The following NBEA variants were observed in gnomAD, a reference collection of about 807,000 sequenced individuals.
NBEA encodes the protein neurobeachin.
A neutral mutation model predicts 343.4 loss-of-function variants in NBEA; 44 were observed. The observed-to-expected ratio is 0.13, with a 90% CI of 0.10 to 0.16. The LOEUF is 0.16. Among genes scored for constraint, NBEA ranks in the 10% least tolerant of loss-of-function variants. The pLI is 1.00. For missense variants in NBEA, 2,555 were observed against 3,631.3 expected, an observed-to-expected ratio of 0.70 and a Z score of 7.62; for synonymous variants, 1,175 against 1,238.7, an observed-to-expected ratio of 0.95 and a Z score of 1.08.
intron 41 of NBEA, among the ~76,000 whole-genome samples, chr13:35,482,187 G>A (rs1462166601): frequency 6.6e-6 from 1 of 150,692 alleles, no homozygotes; most frequent in African/African-American, 2.4e-5. Context: ...ATTAGTAACT[G>A]GAGTAATAAT....
chr13:35,455,618 A>C (rs1034818881), intron 40 of NBEA, among the ~76,000 whole-genome samples: 12 of 152,140 alleles, frequency 7.9e-5, no homozygotes, highest in Non-Finnish European at 1.2e-4. Flanking sequence ...TATTTTCCTT[A>C]TAGCTGAAAA....
chr13:35,071,886 A>G (rs905414107), intron 10 of NBEA, among the ~76,000 whole-genome samples: 5 of 152,058 alleles, frequency 3.3e-5, no homozygotes, highest in African/African-American at 1.2e-4. Flanking sequence ...TGAGATTTGT[A>G]CATTTATAAC....
intron 48 of NBEA, among the ~76,000 whole-genome samples, chr13:35,610,928 A>T (rs1304995140): frequency 6.6e-6 from 1 of 152,108 alleles, no homozygotes; most frequent in Non-Finnish European, 1.5e-5. Flanking sequence ...TAGATGGCAA[A>T]TAAACACATG....
At chr13:35,276,232 A>G (rs973587984) in intron 34 of NBEA, among the ~76,000 whole-genome samples, 1 of 152,010 alleles carries the variant, frequency 6.6e-6, no homozygotes, top group Non-Finnish European at 1.5e-5. Flanking sequence ...AAAGGGAATT[A>G]TTTTCCCTTT....
chr13:35,142,324 C>T lies in NBEA; in HGVS notation c.2392C>T (p.Leu798=). The change falls in exon 18 of 59, where the codon CTG becomes TTG. Residue 798 remains leucine (L), a synonymous_variant. Coordinates refer to ENST00000379939, the MANE Select transcript of NBEA (RefSeq NM_001385012.1). ...HSLFTLLGER[L]MLHTNTVTVT... The stretch of plus-strand genomic sequence containing the variant: ...TCTTTTCACTCTTCTTGGAGAAAGG[C>T]TGATGTTGCATACAAACACTGTGAC... The T allele has an allele frequency of 6.2e-7, 1 of 1,613,248 alleles. No homozygotes were observed. Among genetic ancestry groups the T allele is most frequent in the South Asian group, 1.1e-5 (1 of 91,052 alleles).
At chr13:35,563,862 C>A (rs2080004745) in intron 44 of NBEA, among the ~76,000 whole-genome samples, 1 of 119,094 alleles carries the variant, frequency 8.4e-6, no homozygotes. Context: ...GTATTTTTTT[C>A]CTAAAATAGC....
intron 38 of NBEA, among the ~76,000 whole-genome samples, chr13:35,367,367 A>G (rs998951962): frequency 6.6e-6 from 1 of 151,390 alleles, no homozygotes; most frequent in South Asian, 2.1e-4. Flanking sequence ...GATAAGGTGG[A>G]TATGTGTCAG....
chr13:35,083,972 A>G (rs2064577823), intron 10 of NBEA, among the ~76,000 whole-genome samples: 1 of 152,150 alleles, frequency 6.6e-6, no homozygotes, highest in African/African-American at 2.4e-5. Context: ...ATCAAAAGAG[A>G]CAAAGAAGGC....
chr13:35,570,850 A>G (rs567168033), intron 45 of NBEA, among the ~76,000 whole-genome samples: 1 of 152,328 alleles, frequency 6.6e-6, no homozygotes, highest in East Asian at 1.9e-4. Flanking sequence ...AAGTATAATA[A>G]TATAATTGGA....
Position 35,354,047 on chromosome 13 carries a change from T to G in NBEA, c.6179+1724T>G, listed in dbSNP as rs75016823. 5.3e-5 allele frequency among the ~76,000 whole-genome samples: 8 copies of G among 152,260 alleles called. No individual in the cohort carries two copies. In the East Asian group the frequency reaches 1.5e-3, roughly 29 times the overall value. The stretch of plus-strand genomic sequence containing the variant: ...GCCTTCGGTTGATTGGATGAGCCTT[T>G]CCCACATTCTTGAGGGTAATATCCT... On this transcript the variant is annotated intron_variant, in intron 38 of 58. Transcript: ENST00000379939.
chr13:34,984,556 A>G (rs1219394069), intron 1 of NBEA, among the ~76,000 whole-genome samples: 1 of 139,486 alleles, frequency 7.2e-6, no homozygotes, highest in Non-Finnish European at 1.7e-5. Context: ...TGAACTTTAA[A>G]GTAGTTTTTT....
intron 36 of NBEA, among the ~76,000 whole-genome samples, chr13:35,314,997 G>T (rs1289404255): frequency 6.6e-6 from 1 of 152,152 alleles, no homozygotes; most frequent in Non-Finnish European, 1.5e-5. Context: ...TCTTCCTACT[G>T]TATGTTGATG....
In NBEA at chr13:35,011,472, G is replaced by A. The variant is rs190878941; in HGVS notation, c.295-29461G>A. Among the ~76,000 whole-genome samples, 235 of 152,166 alleles carry A rather than the reference G, an allele frequency of 1.5e-3. 1 individual carries two copies. The highest frequency in any genetic ancestry group is 5.2e-3 in the African/African-American group (214 of 41,516). Reference sequence around the variant, plus strand: ...TCTTGCTATTACTTGCTGTGACTTCGTTGTCAAACAGTAAAAACAAGTGTT... The same window carrying A: ...TCTTGCTATTACTTGCTGTGACTTCATTGTCAAACAGTAAAAACAAGTGTT... On this transcript the variant is annotated intron_variant, in intron 1 of 58. Transcript: ENST00000379939.
chr13:35,465,104 A>C lies in NBEA; in HGVS notation c.6449-7296A>C, dbSNP rs531905407. Among the ~76,000 whole-genome samples, 3 of 152,226 alleles carry C rather than the reference A, an allele frequency of 2.0e-5. No homozygotes were observed. In the South Asian group the frequency reaches 6.2e-4, roughly 32 times the overall value. On this transcript the variant is annotated intron_variant, in intron 40 of 58. Coordinates refer to ENST00000379939, the MANE Select transcript of NBEA (RefSeq NM_001385012.1). ...TCTCATTGGTTTTCAGTATATTTTT[A>C]AATTTATATTTTCTCTAAAATACAG...
At chr13:34,958,348 G>T (rs2059562272) in intron 1 of NBEA, among the ~76,000 whole-genome samples, 1 of 151,956 alleles carries the variant, frequency 6.6e-6, no homozygotes, top group African/African-American at 2.4e-5. Context: ...GAGCAAAAAC[G>T]ATTCATTTTT....
chr13:35,460,419 C>T (rs1168758565), intron 40 of NBEA, among the ~76,000 whole-genome samples: 1 of 152,152 alleles, frequency 6.6e-6, no homozygotes, highest in African/African-American at 2.4e-5. Flanking sequence ...CTCTTAGAGA[C>T]AACATTAATA....
chr13:35,048,040 G>A (rs2062927424), intron 4 of NBEA, among the ~76,000 whole-genome samples: 2 of 151,848 alleles, frequency 1.3e-5, no homozygotes, highest in Middle Eastern at 3.4e-3. Flanking sequence ...AAGTTTCTGA[G>A]TAATAAATGT....
intron 8 of NBEA, among the ~76,000 whole-genome samples, chr13:35,068,706 T>TAGTCCAGA (rs1196008862): frequency 1.3e-5 from 2 of 152,226 alleles, no homozygotes; most frequent in Non-Finnish European, 2.9e-5. Context: ...CTCTACACGC[T>TAGTCCAGA]AGTCCAGAAG....
rs552121744 is a variant in NBEA at position 35,405,228 on chromosome 13, C to T, written c.6180-27041C>T. ...TGTAATTACTATTTATTGGTGGACTCATGGCAGGCACTAGGAAAAGAGCAT... is the reference window on the plus strand; with the variant it reads ...TGTAATTACTATTTATTGGTGGACTTATGGCAGGCACTAGGAAAAGAGCAT... On this transcript the variant is annotated intron_variant, in intron 38 of 58. Transcript: ENST00000379939. 2.0e-5 allele frequency among the ~76,000 whole-genome samples: 3 copies of T among 152,228 alleles called. No homozygotes were observed. The East Asian group carries it at 5.8e-4, about 29-fold the overall frequency.
Sources: allele counts gnomAD v4.1 joint callset (sites outside exome capture counted in the v4.1 genomes callset), GRCh38; gene constraint gnomAD v4.1.1; transcripts MANE v1.5; gene names NCBI Gene and HGNC (gene_info 2026-07-23, HGNC 2026-07-21).